OPRD1: variants seen among roughly 807,000 people sequenced by gnomAD.
The protein encoded by OPRD1 is delta-type opioid receptor.
OPRD1 carries 19 observed loss-of-function variants against 17.5 expected under a neutral mutation model. The ratio of observed to expected loss-of-function variants is 1.09; its 90% CI spans 0.76 to 1.60. The LOEUF is 1.60. Ranked by LOEUF, OPRD1 falls within the 40% of genes most tolerant of loss-of-function variation. OPRD1 has a pLI of 0.00. For missense variants in OPRD1, 483 were observed against 547.2 expected, an observed-to-expected ratio of 0.88 and a Z score of 1.17; for synonymous variants, 256 against 240.9, an observed-to-expected ratio of 1.06 and a Z score of -0.58.
rs922665760 is a variant in OPRD1 at position 28,865,355 on chromosome 1, G to C, written c.*2072G>C. 2 of 151,998 alleles carry C rather than the reference G, an allele frequency of 1.3e-5. No individual in the cohort carries two copies. Among genetic ancestry groups the C allele is most frequent in the African/African-American group, 4.8e-5 (2 of 41,408 alleles). The allele number at this position is 151,998 out of a possible 1,614,324, so 9.4% of individuals were successfully genotyped here. A position where few individuals can be genotyped will look rare whatever the true frequency, so the allele number is the denominator to read the frequency against. On this transcript the variant is annotated 3_prime_UTR_variant, in exon 3 of 3. Transcript: ENST00000234961. ...ATTGACGTCTTTGTCTCAAACAAAA[G>C]AAAAAAGAAAAAGAAACAATATACT...
At chr1:28,813,626 T>C (rs115370597) in intron 1 of OPRD1, among the ~76,000 whole-genome samples, 60 of 152,260 alleles carry the variant, frequency 3.9e-4, no homozygotes, top group African/African-American at 1.4e-3. Flanking sequence ...AGCTCAGACA[T>C]GGCCAGTAAG....
At position 28,842,242 on chromosome 1, in the gene OPRD1, C is replaced by T. The variant is rs146050155; in HGVS notation, c.228-16712C>T. On this transcript the variant is annotated intron_variant, in intron 1 of 2. Coordinates refer to ENST00000234961, the MANE Select transcript of OPRD1 (RefSeq NM_000911.4). ...ACGGGGGTTCGCCATATTGCCCCAG[C>T]TGGTCTCCAACGCCTGAGCTCAAGC... 5.4e-3 allele frequency among the ~76,000 whole-genome samples: 819 copies of T among 152,226 alleles called. 5 individuals are homozygous for T. The highest frequency in any genetic ancestry group is 0.014 in the Middle Eastern group (4 of 294).
At chr1:28,844,114 G>A (rs1462731048) in intron 1 of OPRD1, among the ~76,000 whole-genome samples, 8 of 150,962 alleles carry the variant, frequency 5.3e-5, no homozygotes, top group Admixed American at 4.0e-4. Flanking sequence ...TTCCAAAAAC[G>A]GTACACGAGA....
At chr1:28,825,395 C>CT (rs11449748) in intron 1 of OPRD1, among the ~76,000 whole-genome samples, 4,468 of 151,566 alleles carry the variant, frequency 0.029, 200 homozygotes, top group African/African-American at 0.1. Context: ...GAAGTAGGTT[C>CT]TTTTTTTTGA....
At chr1:28,850,110 G>C (rs1430700110) in intron 1 of OPRD1, among the ~76,000 whole-genome samples, 1 of 152,046 alleles carries the variant, frequency 6.6e-6, no homozygotes, top group East Asian at 1.9e-4. Context: ...TCAATCTTCT[G>C]ACCTCGTGAT....
intron 1 of OPRD1, among the ~76,000 whole-genome samples, chr1:28,845,865 G>T (rs1267992866): frequency 2.6e-5 from 4 of 152,202 alleles, no homozygotes; most frequent in African/African-American, 9.7e-5. Context: ...TTTCTAGAAA[G>T]TTGGGTCTCT....
intron 1 of OPRD1, among the ~76,000 whole-genome samples, chr1:28,835,025 G>A (rs751859104): frequency 6.6e-6 from 1 of 152,224 alleles, no homozygotes; most frequent in Admixed American, 6.5e-5. Flanking sequence ...ATGAGTGGGT[G>A]TGGGGTAGAG....
chr1:28,856,382 C>G (rs182613415), intron 1 of OPRD1, among the ~76,000 whole-genome samples: 42 of 152,296 alleles, frequency 2.8e-4, no homozygotes, highest in Middle Eastern at 6.8e-3. Context: ...TCGCTCAGAT[C>G]TGAGGTGCAG....
intron 1 of OPRD1, among the ~76,000 whole-genome samples, chr1:28,835,923 C>T (rs2088847916): frequency 6.6e-6 from 1 of 152,178 alleles, no homozygotes. Flanking sequence ...GAGAGCAGTG[C>T]TCACCTCCTG....
chr1:28,841,546 C>T (rs1217051772), intron 1 of OPRD1, among the ~76,000 whole-genome samples: 1 of 152,200 alleles, frequency 6.6e-6, no homozygotes, highest in Non-Finnish European at 1.5e-5. Flanking sequence ...ATCCTGCATT[C>T]ACTGCTTTTG....
intron 1 of OPRD1, among the ~76,000 whole-genome samples, chr1:28,823,721 G>C (rs2088736832): frequency 6.6e-6 from 1 of 151,384 alleles, no homozygotes. Context: ...GTAGAGATGA[G>C]GTTTCACTAT....
chr1:28,824,341 G>A (rs1569609306), intron 1 of OPRD1, among the ~76,000 whole-genome samples: 1 of 132,242 alleles, frequency 7.6e-6, no homozygotes, highest in African/African-American at 2.9e-5. Flanking sequence ...TTGAGATGGC[G>A]TCTGGCTCTG....
intron 1 of OPRD1, among the ~76,000 whole-genome samples, chr1:28,822,013 G>A (rs1467119688): frequency 2.0e-5 from 3 of 151,074 alleles, no homozygotes; most frequent in Admixed American, 6.6e-5. Context: ...GTGCAATGGC[G>A]CAATCTCGGC....
intron 1 of OPRD1, among the ~76,000 whole-genome samples, chr1:28,838,824 A>G (rs2088873931): frequency 6.6e-6 from 1 of 152,150 alleles, no homozygotes; most frequent in Non-Finnish European, 1.5e-5. Flanking sequence ...GATCAATGCA[A>G]TTAGTTAGGG....
chr1:28,841,189 G>A (rs1437740622), intron 1 of OPRD1, among the ~76,000 whole-genome samples: 6 of 152,230 alleles, frequency 3.9e-5, no homozygotes, highest in South Asian at 2.1e-4. Context: ...TGCCTGTGAC[G>A]TTGTTCTGAT....
chr1:28,859,374 G>C, intron 2 of OPRD1, 71 bp downstream of exon 2: 1 of 1,340,928 alleles, frequency 7.5e-7, no homozygotes, highest in Admixed American at 2.1e-5. Flanking sequence ...TTGTGGGCTT[G>C]CAGGGCACTT....
At chr1:28,819,890 T>C (rs750398738) in intron 1 of OPRD1, among the ~76,000 whole-genome samples, 1 of 152,126 alleles carries the variant, frequency 6.6e-6, no homozygotes, top group Non-Finnish European at 1.5e-5. Flanking sequence ...AGCCTGGGCA[T>C]TGGAGCCAGA....
chr1:28,853,516 C>T (rs2089026717), intron 1 of OPRD1, among the ~76,000 whole-genome samples: 1 of 152,200 alleles, frequency 6.6e-6, no homozygotes, highest in South Asian at 2.1e-4. Context: ...TCAACAAGTA[C>T]TATCTAAAAT....
intron 1 of OPRD1, among the ~76,000 whole-genome samples, chr1:28,842,089 G>A (rs1010300615): frequency 3.3e-5 from 5 of 151,770 alleles, no homozygotes; most frequent in Admixed American, 1.3e-4. Context: ...GAGTGCAGTG[G>A]CATGATCATG....
Sources: gnomAD v4.1 joint callset for allele counts (sites outside exome capture counted in the v4.1 genomes callset) on GRCh38, gnomAD v4.1.1 for gene constraint, MANE v1.5 for transcripts, NCBI Gene and HGNC (gene_info 2026-07-23, HGNC 2026-07-21) for gene names.